Variants in TENM4 observed in about 807,000 individuals in gnomAD.
TENM4 encodes the protein teneurin transmembrane protein 4.
A neutral mutation model predicts 243.3 loss-of-function variants in TENM4; 82 were observed. That is an observed-to-expected ratio of 0.34 (90% CI 0.28 to 0.40). The LOEUF is 0.40. Among genes scored for constraint, TENM4 ranks in the 10% least tolerant of loss-of-function variants. The pLI, the probability that TENM4 is intolerant of heterozygous loss-of-function variation, is 1.00. For missense variants in TENM4, 3,138 were observed against 3,673.3 expected, an observed-to-expected ratio of 0.85 and a Z score of 3.77; for synonymous variants, 1,412 against 1,456.3, an observed-to-expected ratio of 0.97 and a Z score of 0.69.
At chr11:78,966,961 C>G (rs188593703) in intron 6 of TENM4, among the ~76,000 whole-genome samples, 59 of 152,298 alleles carry the variant, frequency 3.9e-4, no homozygotes, top group African/African-American at 1.4e-3. Context: ...TGGAGCACAA[C>G]CACAAAAGTT....
intron 32 of TENM4, among the ~76,000 whole-genome samples, chr11:78,666,723 A>T (rs1205470112): frequency 6.6e-6 from 1 of 152,202 alleles, no homozygotes; most frequent in African/African-American, 2.4e-5. Flanking sequence ...ACTCTGGGCA[A>T]ACCCTTCATT....
intron 26 of TENM4, among the ~76,000 whole-genome samples, chr11:78,709,263 C>T (rs1441020089): frequency 6.6e-6 from 1 of 152,040 alleles, no homozygotes; most frequent in Non-Finnish European, 1.5e-5. Context: ...CCATGCCCGG[C>T]CCGTCCTTCA....
intron 4 of TENM4, among the ~76,000 whole-genome samples, chr11:79,099,152 G>A (rs980810263): frequency 5.3e-5 from 8 of 152,050 alleles, no homozygotes; most frequent in African/African-American, 7.2e-5. Flanking sequence ...GAGGAGCTCC[G>A]TTCCTTAGTC....
Position 78,656,907 on chromosome 11 carries a change from C to G in TENM4, c.*1151G>C, listed in dbSNP as rs182603908. 4.5e-5 allele frequency: 18 copies of G among 397,602 alleles called. No individual in the cohort carries two copies. The Admixed American group carries it at 7.5e-4, about 17-fold the overall frequency. 24.6% of individuals were successfully genotyped at this position (397,602 alleles called of 1,614,324 possible). ...AGAAGGATGCTTAGCTTATGCCTTC[C>G]TCTCTTTGGCTGGCTTTTTTTGTTA... On this transcript the variant is annotated 3_prime_UTR_variant, in exon 34 of 34. Coordinates refer to ENST00000278550, the MANE Select transcript of TENM4 (RefSeq NM_001098816.3).
At chr11:79,414,258 T>C (rs1590949258) in intron 1 of TENM4, among the ~76,000 whole-genome samples, 2 of 152,174 alleles carry the variant, frequency 1.3e-5, no homozygotes, top group South Asian at 4.1e-4. Flanking sequence ...CATCCCAGAA[T>C]AGCTGGCCTG....
At chr11:78,949,987 T>A (rs907901505) in intron 6 of TENM4, among the ~76,000 whole-genome samples, 8 of 151,650 alleles carry the variant, frequency 5.3e-5, no homozygotes, top group African/African-American at 1.9e-4. Flanking sequence ...TCCCCTTTGG[T>A]TGGCGGGGCG....
intron 6 of TENM4, among the ~76,000 whole-genome samples, chr11:78,922,656 A>T (rs646933): frequency 0.97 from 147,193 of 152,356 alleles, 71,230 homozygotes; most frequent in Non-Finnish European, 0.99. Context: ...GGCAACAGCA[A>T]GAGAATCCCG....
intron 15 of TENM4, among the ~76,000 whole-genome samples, chr11:78,796,768 C>G (rs1226156337): frequency 6.6e-6 from 1 of 152,222 alleles, no homozygotes; most frequent in Non-Finnish European, 1.5e-5. Context: ...CTTCAAGCTA[C>G]TCATCTTTCC....
At chr11:78,885,014 AT>A (rs1855520405) in intron 9 of TENM4, among the ~76,000 whole-genome samples, 1 of 152,246 alleles carries the variant, frequency 6.6e-6, no homozygotes, top group South Asian at 2.1e-4. Context: ...TTTATGAATG[AT>A]AAACAGCAGC....
At chr11:78,890,061 A>T in intron 8 of TENM4, 41 bp from the exon 9 acceptor site, 1 of 1,478,522 alleles carries the variant, frequency 6.8e-7, no homozygotes, top group Non-Finnish European at 9.1e-7. Flanking sequence ...GGGGCTGCCC[A>T]CAGACCAGGC....
At chr11:79,061,464 A>T (rs1860083584) in intron 6 of TENM4, among the ~76,000 whole-genome samples, 1 of 152,184 alleles carries the variant, frequency 6.6e-6, no homozygotes, top group African/African-American at 2.4e-5. Flanking sequence ...GACGATCACA[A>T]AGAAATGACA....
intron 2 of TENM4, among the ~76,000 whole-genome samples, chr11:79,269,281 T>C (rs961476318): frequency 3.9e-5 from 6 of 152,256 alleles, no homozygotes; most frequent in South Asian, 2.1e-4. Flanking sequence ...AAGCTATAAC[T>C]AATTCACCAT....
At chr11:79,133,633 T>C (rs185659926) in intron 4 of TENM4, among the ~76,000 whole-genome samples, 209 of 151,840 alleles carry the variant, frequency 1.4e-3, no homozygotes, top group African/African-American at 4.9e-3. Flanking sequence ...TCCAACAACA[T>C]ATGAAAAAAA....
chr11:79,338,397 C>T (rs1191733260), intron 1 of TENM4, among the ~76,000 whole-genome samples: 1 of 152,204 alleles, frequency 6.6e-6, no homozygotes, highest in Non-Finnish European at 1.5e-5. Context: ...GGGAAGTAAG[C>T]AGACCATCTA....
chr11:79,339,633 C>A (rs368261244), intron 1 of TENM4, among the ~76,000 whole-genome samples: 82 of 152,114 alleles, frequency 5.4e-4, no homozygotes, highest in African/African-American at 1.4e-3. Context: ...GACCGAGTAA[C>A]CTGCTGGGTC....
chr11:79,146,578 G>T (rs946866346), intron 4 of TENM4, among the ~76,000 whole-genome samples: 1 of 151,964 alleles, frequency 6.6e-6, no homozygotes, highest in Non-Finnish European at 1.5e-5. Flanking sequence ...TGGTCTTATG[G>T]AACCAAAGAT....
At chr11:78,835,341 A>G (rs1302178551) in intron 12 of TENM4, among the ~76,000 whole-genome samples, 1 of 152,138 alleles carries the variant, frequency 6.6e-6, no homozygotes, top group African/African-American at 2.4e-5. Context: ...CCCTGTCTCT[A>G]CTAAAAATAC....
At chr11:79,250,396 G>A (rs908650090) in intron 2 of TENM4, among the ~76,000 whole-genome samples, 4 of 152,248 alleles carry the variant, frequency 2.6e-5, no homozygotes, top group Admixed American at 6.5e-5. Context: ...GGCATAGGTA[G>A]GAAGTGGCAG....
At chr11:79,362,230 G>A (rs1186049936) in intron 1 of TENM4, among the ~76,000 whole-genome samples, 1 of 152,192 alleles carries the variant, frequency 6.6e-6, no homozygotes, top group Non-Finnish European at 1.5e-5. Flanking sequence ...GCTGAGTTTT[G>A]CACCATTTCA....
Sources: allele counts gnomAD v4.1 joint callset (sites outside exome capture counted in the v4.1 genomes callset), GRCh38; gene constraint gnomAD v4.1.1; transcripts MANE v1.5; gene names NCBI Gene and HGNC (gene_info 2026-07-23, HGNC 2026-07-21).